Variants in NT5C1A observed in about 807,000 individuals in gnomAD.
NT5C1A encodes the protein cytosolic 5'-nucleotidase 1A.
NT5C1A carries 18 observed loss-of-function variants against 31.0 expected under a neutral mutation model. That is an observed-to-expected ratio of 0.58 (90% CI 0.40 to 0.86). The LOEUF is 0.86. Ranked by LOEUF, NT5C1A falls within the 40% of genes least tolerant of loss-of-function variation. The probability of loss-of-function intolerance (pLI) is 0.00; values close to 1 mark genes in which losing one functional copy is unlikely to be tolerated. For synonymous variants in NT5C1A, 185 were observed against 203.6 expected, an observed-to-expected ratio of 0.91 and a Z score of 0.78; for missense variants, 470 against 505.4, an observed-to-expected ratio of 0.93 and a Z score of 0.67.
chr1:39,661,632 C>T (rs1646493572), intron 4 of NT5C1A, among the ~76,000 whole-genome samples: 1 of 152,214 alleles, frequency 6.6e-6, no homozygotes, highest in African/African-American at 2.4e-5. Context: ...GATCATGCTG[C>T]TGTGGACCAG....
rs749644167 is a variant in NT5C1A at position 39,666,177 on chromosome 1, G to A, written c.195C>T (p.Asp65=). 6 of 1,584,058 alleles carry A rather than the reference G, an allele frequency of 3.8e-6. No homozygotes were observed. The highest frequency in any genetic ancestry group is 4.6e-5 in the East Asian group (2 of 43,820). The change falls in exon 2 of 6, where the codon GAC becomes GAT. Residue 65 remains aspartate, a synonymous_variant. Transcript: ENST00000235628. The part of the protein sequence containing the change: ...AVSSRALFRM[D]EEQQIYTEQG... ...GCTCCGTGTAGATCTGCTGCTCCTC[G>A]TCCATGCGAAACAAGGCTCGGGAGG...
chr1:39,662,169 C>T (rs1570457984), intron 4 of NT5C1A, among the ~76,000 whole-genome samples: 1 of 152,218 alleles, frequency 6.6e-6, no homozygotes, highest in East Asian at 1.9e-4. Context: ...CAGCCCAACT[C>T]TTTGAAAACT....
chr1:39,669,742 T>C, intron 1 of NT5C1A, among the ~76,000 whole-genome samples: 1 of 152,128 alleles, frequency 6.6e-6, no homozygotes, highest in Admixed American at 6.5e-5. Flanking sequence ...CAGTCCCCAG[T>C]CTCCATCCCT....
chr1:39,669,690 T>C (rs894550664), intron 1 of NT5C1A, among the ~76,000 whole-genome samples: 1 of 152,206 alleles, frequency 6.6e-6, no homozygotes. Context: ...CCTTGGTGCC[T>C]GGGGAGGAAA....
chr1:39,666,196 C>T lies in NT5C1A; in HGVS notation c.176G>A (p.Arg59Gln), dbSNP rs1298473734. Residue 59 changes from arginine (R) to glutamine (Q), a missense_variant, in exon 2 of 6, where the codon CGA becomes CAA. Coordinates refer to ENST00000235628, the MANE Select transcript of NT5C1A (RefSeq NM_032526.3). The part of the protein sequence containing the change: ...QNAVTIAVSS[R>Q]ALFRMDEEQQ... The stretch of plus-strand genomic sequence containing the variant: ...CTCCTCGTCCATGCGAAACAAGGCT[C>T]GGGAGGACACAGCGATGGTGACTGC... 7.4e-6 allele frequency: 12 copies of T among 1,613,396 alleles called. No individual in the cohort carries two copies. The highest frequency in any genetic ancestry group is 5.0e-5 in the Admixed American group (3 of 59,990).
At position 39,671,808 on chromosome 1, in the gene NT5C1A, C is replaced by A. The variant is rs187770022; in HGVS notation, c.135+96G>T. ...GGGGCTGAGGAGCTGCGTCCCCTCC[C>A]AGAGGGGCGCCACGGGTCCCTTCCC... On this transcript the variant is annotated intron_variant, in intron 1 of 5. Coordinates refer to ENST00000235628, the MANE Select transcript of NT5C1A (RefSeq NM_032526.3). The A allele has an allele frequency of 1.6e-3, 2,288 of 1,469,810 alleles. 32 individuals are homozygous for A. In the African/African-American group the frequency reaches 0.028, roughly 18 times the overall value. The allele number at this position is 1,469,810 out of a possible 1,614,324, so 91.0% of individuals were successfully genotyped here.
intron 1 of NT5C1A, among the ~76,000 whole-genome samples, chr1:39,669,185 T>A (rs1646537805): frequency 6.6e-6 from 1 of 152,148 alleles, no homozygotes; most frequent in Non-Finnish European, 1.5e-5. Context: ...TCTCTCTGCC[T>A]TTCAGGGTCA....
Position 39,659,155 on chromosome 1 carries a change from G to C in NT5C1A, c.1073C>G (p.Thr358Ser). Residue 358 changes from threonine to serine, a missense_variant, in exon 6 of 6, where the codon ACT (threonine) becomes AGT (serine). Transcript: ENST00000235628. The part of the protein sequence containing the change: ...PYGVAQTPRR[T>S]APAKQAPSAQ Reference sequence around the variant, plus strand: ...AGATGGGGCCTGCTTTGCAGGTGCAGTCCGCCGGGGTGTCTGTGCCACACC... The same window carrying C: ...AGATGGGGCCTGCTTTGCAGGTGCACTCCGCCGGGGTGTCTGTGCCACACC... 2 of 1,609,490 alleles carry C rather than the reference G, an allele frequency of 1.2e-6. No individual in the cohort carries two copies. The highest frequency in any genetic ancestry group is 8.5e-7 in the Non-Finnish European group (1 of 1,176,914).
Position 39,659,272 on chromosome 1 carries a change from T to G in NT5C1A, c.956A>C (p.Glu319Ala). The change falls in exon 6 of 6, where the codon GAG becomes GCG. Residue 319 changes from glutamate to alanine, a missense_variant. Physicochemically the swap from Glu to Ala is moderately radical, Grantham distance 107. Transcript: ENST00000235628. ...LAGAPKGPLLEKIRPHIFFDD... is the reference protein window; with the variant it reads ...LAGAPKGPLLAKIRPHIFFDD... Reference sequence around the variant, plus strand: ...AAAGAAGATGTGTGGGCGGATCTTCTCAAGGAGAGGGCCCTTGGGCGCTCC... The same window carrying G: ...AAAGAAGATGTGTGGGCGGATCTTCGCAAGGAGAGGGCCCTTGGGCGCTCC... The G allele has an allele frequency of 1.9e-6, 3 of 1,614,110 alleles. No individual in the cohort carries two copies. The highest frequency in any genetic ancestry group is 2.5e-6 in the Non-Finnish European group (3 of 1,180,048).
Position 39,657,682 on chromosome 1 carries a change from C to T in NT5C1A, c.*1439G>A, listed in dbSNP as rs1233508423. Among the ~76,000 whole-genome samples the T allele has an allele frequency of 2.0e-5, 3 of 152,236 alleles. No homozygotes were observed. Among genetic ancestry groups the T allele is most frequent in the African/African-American group, 7.2e-5 (3 of 41,470 alleles). ...TCCTCTGAAAGTGGTGAAGAAGGGG[C>T]CGCAGGGGCTCTTGCAAATGTGGAG... On this transcript the variant is annotated 3_prime_UTR_variant, in exon 6 of 6. Coordinates refer to ENST00000235628, the MANE Select transcript of NT5C1A (RefSeq NM_032526.3).
intron 1 of NT5C1A, among the ~76,000 whole-genome samples, chr1:39,667,556 C>T (rs1228876534): frequency 2.0e-5 from 3 of 152,216 alleles, no homozygotes; most frequent in Non-Finnish European, 2.9e-5. Flanking sequence ...TCTTGCCTCT[C>T]CTGATCATCC....
At chr1:39,659,688 G>T (rs948735058) in intron 5 of NT5C1A, among the ~76,000 whole-genome samples, 5 of 152,156 alleles carry the variant, frequency 3.3e-5, no homozygotes, top group African/African-American at 2.4e-5. Flanking sequence ...TTGTATATTG[G>T]TGCTGGGTCA....
chr1:39,667,486 T>C (rs1010301977), intron 1 of NT5C1A, among the ~76,000 whole-genome samples: 1 of 152,116 alleles, frequency 6.6e-6, no homozygotes, highest in African/African-American at 2.4e-5. Flanking sequence ...TGATTCCCAC[T>C]TTACAAATTA....
In NT5C1A at chr1:39,666,227, G is replaced by T. The variant is rs763018945; in HGVS notation, c.145C>A (p.Gln49Lys). The change falls in exon 2 of 6, where the codon CAG becomes AAG. Residue 49 changes from glutamine (Q) to lysine (K), a missense_variant. Physicochemically the swap from Gln to Lys is moderately conservative, Grantham distance 53 (BLOSUM62 1). Transcript: ENST00000235628. ...PKKKPKSPKP[Q>K]NAVTIAVSSR... ...GACACAGCGATGGTGACTGCATTCT[G>T]AGGCTTGGGCTGCAGAGGTATGGGA... The T allele has an allele frequency of 2.5e-6, 4 of 1,613,320 alleles. No individual in the cohort carries two copies. Among genetic ancestry groups the T allele is most frequent in the Admixed American group, 3.3e-5 (2 of 59,982 alleles).
intron 5 of NT5C1A, among the ~76,000 whole-genome samples, chr1:39,660,522 G>T (rs1438909259): frequency 6.6e-6 from 1 of 152,130 alleles, no homozygotes; most frequent in South Asian, 2.1e-4. Flanking sequence ...GTCTGCCCCA[G>T]ATGTCACACC....
chr1:39,665,688 A>T (rs1380745455), intron 2 of NT5C1A, 38 bp from the exon 3 acceptor site: 1 of 1,601,446 alleles, frequency 6.2e-7, no homozygotes, highest in African/African-American at 1.3e-5. Context: ...TAGACCCCCA[A>T]GGATTGATAC....
At chr1:39,661,433 G>A (rs1187949470) in intron 4 of NT5C1A, among the ~76,000 whole-genome samples, 170 bp from the exon 5 acceptor site, 2 of 152,234 alleles carry the variant, frequency 1.3e-5, no homozygotes, top group African/African-American at 4.8e-5. Context: ...TCCTGGCCAA[G>A]AAGAGGGCAG....
rs1159753383 is a variant in NT5C1A, at chr1:39,661,059, T to G, written c.741+20A>C. 6.6e-7 allele frequency: 1 copy of G among 1,510,578 alleles called. No individual in the cohort carries two copies. Among genetic ancestry groups the G allele is most frequent in the South Asian group, 1.2e-5 (1 of 86,282 alleles). The allele number at this position is 1,510,578 out of a possible 1,614,324, so 93.6% of individuals were successfully genotyped here. On this transcript the variant is annotated intron_variant, in intron 5 of 5. Transcript: ENST00000235628. The stretch of plus-strand genomic sequence containing the variant: ...GAGCTGCCTTGTTCCTCTCAGGGGT[T>G]CTGGGTCTATGGGGAGCACCTGAGC...
rs1421149983 is a variant in NT5C1A, at chr1:39,657,127, T to C, written c.*1994A>G. Among the ~76,000 whole-genome samples the C allele has an allele frequency of 8.5e-5, 13 of 152,216 alleles. No homozygotes were observed. The highest frequency in any genetic ancestry group is 7.2e-4 in the Admixed American group (11 of 15,286). ...CAGTGTCCCCTGATAAAGCAGTCAC[T>C]GTGGGTATCTGTCCCAGTCACTCCA... On this transcript the variant is annotated 3_prime_UTR_variant, in exon 6 of 6. Transcript: ENST00000235628.
Sources: allele counts gnomAD v4.1 joint callset (sites outside exome capture counted in the v4.1 genomes callset), GRCh38; gene constraint gnomAD v4.1.1; transcripts MANE v1.5; gene names NCBI Gene and HGNC (gene_info 2026-07-23, HGNC 2026-07-21).